Variants in KDM4C observed in about 807,000 individuals in gnomAD.
KDM4C encodes lysine demethylase 4C.
Under a neutral mutation model 129.3 loss-of-function variants are expected in KDM4C, and 81 were observed. The observed-to-expected ratio is 0.63, with a 90% CI of 0.52 to 0.75. The LOEUF is 0.75. Among genes scored for constraint, KDM4C ranks in the 30% least tolerant of loss-of-function variants. The pLI, the probability that KDM4C is intolerant of heterozygous loss-of-function variation, is 0.00. For missense variants in KDM4C, 1,457 were observed against 1,304.0 expected (o/e 1.12, Z -1.81); for synonymous variants, 573 against 456.1 (o/e 1.26, Z -3.26).
chr9:6,836,442 G>C (rs1016225957), intron 4 of KDM4C, among the ~76,000 whole-genome samples: 5 of 152,124 alleles, frequency 3.3e-5, no homozygotes, highest in Admixed American at 2.6e-4. Flanking sequence ...ATATATTTAA[G>C]TTTTAAAGCA....
intron 17 of KDM4C, among the ~76,000 whole-genome samples, chr9:7,081,202 C>T (rs1325513791): frequency 6.6e-6 from 1 of 152,092 alleles, no homozygotes; most frequent in Non-Finnish European, 1.5e-5. Context: ...TTTTATTGTT[C>T]CATCTTCTTC....
intron 17 of KDM4C, among the ~76,000 whole-genome samples, chr9:7,096,716 A>T (rs181189173): frequency 6.6e-6 from 1 of 152,058 alleles, no homozygotes; most frequent in African/African-American, 2.4e-5. Flanking sequence ...GGAGCAAAAG[A>T]TGGACAAAGA....
At chr9:7,171,719 A>T (rs1257492310) in intron 21 of KDM4C, among the ~76,000 whole-genome samples, 1 of 152,194 alleles carries the variant, frequency 6.6e-6, no homozygotes, top group Non-Finnish European at 1.5e-5. Flanking sequence ...TTTCGCTCAG[A>T]TACCAGGATG....
At chr9:7,103,379 G>C (rs1837318721) in intron 17 of KDM4C, among the ~76,000 whole-genome samples, 1 of 152,122 alleles carries the variant, frequency 6.6e-6, no homozygotes, top group Non-Finnish European at 1.5e-5. Flanking sequence ...AGCACCTCTG[G>C]GGTCTTTTCC....
intron 8 of KDM4C, among the ~76,000 whole-genome samples, chr9:6,941,301 T>C (rs1388133151): frequency 6.6e-6 from 1 of 152,186 alleles, no homozygotes; most frequent in Non-Finnish European, 1.5e-5. Context: ...TGGGCTTTTT[T>C]TCATATGTTT....
chr9:6,774,043 A>G (rs1373052430), intron 1 of KDM4C, among the ~76,000 whole-genome samples: 4 of 151,958 alleles, frequency 2.6e-5, no homozygotes, highest in African/African-American at 9.7e-5. Flanking sequence ...GCATGCCACT[A>G]TACCTGGTTA....
At chr9:7,150,033 A>G (rs981562995) in intron 19 of KDM4C, among the ~76,000 whole-genome samples, 2 of 152,198 alleles carry the variant, frequency 1.3e-5, no homozygotes, top group African/African-American at 4.8e-5. Context: ...AGAATACTGT[A>G]GAAAGGGAGA....
At chr9:6,730,767 A>G (rs1202821941) in intron 1 of KDM4C, among the ~76,000 whole-genome samples, 4 of 152,204 alleles carry the variant, frequency 2.6e-5, no homozygotes, top group East Asian at 1.9e-4. Flanking sequence ...AGAAGTGACT[A>G]TAGAAATCAG....
intron 4 of KDM4C, among the ~76,000 whole-genome samples, chr9:6,831,582 A>G (rs1238155919): frequency 6.6e-6 from 1 of 152,078 alleles, no homozygotes; most frequent in African/African-American, 2.4e-5. Context: ...ACCTCAGGTA[A>G]TCCAGCCAAC....
chr9:7,150,705 G>C (rs1210059704), intron 19 of KDM4C, among the ~76,000 whole-genome samples: 1 of 152,120 alleles, frequency 6.6e-6, no homozygotes, highest in South Asian at 2.1e-4. Flanking sequence ...TTTGGGTGTG[G>C]TCAACCCCGC....
chr9:6,893,234 T>G lies in KDM4C; in HGVS notation c.921+2T>G. The G allele has an allele frequency of 6.2e-7, 1 of 1,607,630 alleles. No homozygotes were observed. Among genetic ancestry groups the G allele is most frequent in the Admixed American group, 1.7e-5 (1 of 58,858 alleles). On this transcript the variant is annotated splice_donor_variant, in intron 8 of 21. Coordinates refer to ENST00000381309, the MANE Select transcript of KDM4C (RefSeq NM_015061.6). LOFTEE classifies it high-confidence loss of function. The stretch of plus-strand genomic sequence containing the variant: ...GACTATGGAAAAGTTGCCAAATTGG[T>G]AAGCTATGCCTCAAAAATAAAGCAA...
chr9:6,758,843 A>C lies in KDM4C; in HGVS notation c.-18+640A>C, dbSNP rs1425178164. Among the ~76,000 whole-genome samples, 2 of 152,228 alleles carry C rather than the reference A, an allele frequency of 1.3e-5. No individual in the cohort carries two copies. The highest frequency in any genetic ancestry group is 2.9e-5 in the Non-Finnish European group (2 of 68,026). On this transcript the variant is annotated intron_variant, in intron 1 of 21. Coordinates refer to ENST00000381309, the MANE Select transcript of KDM4C (RefSeq NM_015061.6). This position sits in a 1 kb window ranked among gnomAD's most constrained non-coding sequence, Gnocchi z 4.6. ...GTTGGATTAGGGCGCGTGGACTGCC[A>C]GGCACAGAACGTGGCGTGGAGTGGG... is the stretch of plus-strand genomic sequence containing the variant.
chr9:6,972,773 C>G (rs1302729615), intron 8 of KDM4C, among the ~76,000 whole-genome samples: 2 of 152,172 alleles, frequency 1.3e-5, no homozygotes, highest in Non-Finnish European at 2.9e-5. Context: ...CAGTTCTTCT[C>G]ATTTTGATTT....
chr9:7,131,335 G>C (rs182121965), intron 19 of KDM4C, among the ~76,000 whole-genome samples: 3 of 152,250 alleles, frequency 2.0e-5, no homozygotes, highest in African/African-American at 7.2e-5. Context: ...GGCTTCCTCA[G>C]CTCACTATTG....
At chr9:6,724,860 TA>T (rs1422114474) in intron 1 of KDM4C, among the ~76,000 whole-genome samples, 2 of 152,140 alleles carry the variant, frequency 1.3e-5, no homozygotes, top group Non-Finnish European at 2.9e-5. Context: ...TTGCCACTAT[TA>T]CAAATTTAGT....
chr9:7,173,248 C>T (rs1340992673), intron 21 of KDM4C, among the ~76,000 whole-genome samples: 1 of 152,212 alleles, frequency 6.6e-6, no homozygotes, highest in Non-Finnish European at 1.5e-5. Context: ...AGGGCAGAGA[C>T]AGTAGAATAG....
chr9:6,888,343 TAA>T (rs1441291022), intron 7 of KDM4C, among the ~76,000 whole-genome samples: 1 of 152,234 alleles, frequency 6.6e-6, no homozygotes, highest in Admixed American at 6.5e-5. Context: ...ACTTCTATAT[TAA>T]AATCTTTTTT....
At chr9:6,983,940 A>T (rs1817224620) in intron 9 of KDM4C, among the ~76,000 whole-genome samples, 1 of 152,170 alleles carries the variant, frequency 6.6e-6, no homozygotes, top group Non-Finnish European at 1.5e-5. Context: ...TTTAATAATT[A>T]TTTACAGTTG....
chr9:6,956,725 T>TGAC (rs766022967), intron 8 of KDM4C, among the ~76,000 whole-genome samples: 1 of 152,248 alleles, frequency 6.6e-6, no homozygotes, highest in Non-Finnish European at 1.5e-5. Context: ...TTATGAGGTC[T>TGAC]GACCAGGCCC....
Sources: allele counts gnomAD v4.1 joint callset (sites outside exome capture counted in the v4.1 genomes callset), GRCh38; gene constraint gnomAD v4.1.1; non-coding constraint Gnocchi (gnomAD v3.1); transcripts MANE v1.5; gene names NCBI Gene and HGNC (gene_info 2026-07-23, HGNC 2026-07-21).